The following CECR2 variants were observed in gnomAD, a reference collection of about 807,000 sequenced individuals.
CECR2 encodes chromatin remodeling regulator CECR2.
A neutral mutation model predicts 154.5 loss-of-function variants in CECR2; 30 were observed. The ratio of observed to expected loss-of-function variants is 0.19; its 90% CI spans 0.15 to 0.26. The LOEUF (loss-of-function observed/expected upper bound fraction) is 0.26. Ranked by LOEUF, CECR2 falls within the 10% of genes least tolerant of loss-of-function variation. CECR2 has a pLI of 1.00. For synonymous variants in CECR2, 725 were observed against 683.7 expected, an observed-to-expected ratio of 1.06 and a Z score of -0.94; for missense variants, 1,743 against 1,829.3, an observed-to-expected ratio of 0.95 and a Z score of 0.86.
intron 1 of CECR2, among the ~76,000 whole-genome samples, chr22:17,375,906 G>GA (rs1454438002): frequency 2.0e-5 from 3 of 151,272 alleles, no homozygotes; most frequent in Admixed American, 6.6e-5. Flanking sequence ...GGTGAGCTGA[G>GA]ATCGCGCCAT....
intron 6 of CECR2, among the ~76,000 whole-genome samples, chr22:17,504,392 G>A (rs2055796284): frequency 6.6e-6 from 1 of 151,616 alleles, no homozygotes; most frequent in Admixed American, 6.6e-5. Context: ...ATAAAATTAA[G>A]TAATAGGTCT....
intron 1 of CECR2, among the ~76,000 whole-genome samples, chr22:17,373,340 CA>C (rs1246719486): frequency 6.6e-6 from 1 of 151,940 alleles, no homozygotes; most frequent in Non-Finnish European, 1.5e-5. Context: ...AGAAACCTGC[CA>C]AGTATATAAT....
intron 1 of CECR2, among the ~76,000 whole-genome samples, chr22:17,395,805 T>C (rs2053800373): frequency 6.6e-6 from 1 of 152,164 alleles, no homozygotes; most frequent in Admixed American, 6.6e-5. Flanking sequence ...TTCATCATGG[T>C]TTTTATTTTG....
At chr22:17,458,242 C>T (rs530469003) in intron 1 of CECR2, among the ~76,000 whole-genome samples, 1 of 152,120 alleles carries the variant, frequency 6.6e-6, no homozygotes, top group South Asian at 2.1e-4. Context: ...TGGTGAAACC[C>T]CATCTCTACT....
At chr22:17,521,201 G>A (rs1422508713) in intron 8 of CECR2, among the ~76,000 whole-genome samples, 4 of 152,288 alleles carry the variant, frequency 2.6e-5, no homozygotes, top group Non-Finnish European at 5.9e-5. Flanking sequence ...GTGATGATGA[G>A]CATTTTTTCA....
chr22:17,419,541 G>T (rs2054211549), intron 1 of CECR2: 3 of 203,472 alleles, frequency 1.5e-5, no homozygotes, highest in South Asian at 9.0e-5. Context: ...GGAAGAGGAA[G>T]AGGAAGAGGA....
At position 17,554,672 on chromosome 22, in the gene CECR2, C is replaced by T. The variant is rs2056754097; in HGVS notation, c.*1832C>T. 1 of 152,136 alleles carries T rather than the reference C, an allele frequency of 6.6e-6. No individual in the cohort carries two copies. The highest frequency in any genetic ancestry group is 2.4e-5 in the African/African-American group (1 of 41,420). The allele number at this position is 152,136 out of a possible 1,614,324, so 9.4% of individuals were successfully genotyped here. The stretch of plus-strand genomic sequence containing the variant: ...ATGCACAAAAATACAGATTTTCTCT[C>T]AGAGAGGTTTTAATTTTAAATTTGA... On this transcript the variant is annotated 3_prime_UTR_variant, in exon 19 of 19. Coordinates refer to ENST00000262608, the MANE Select transcript of CECR2 (RefSeq NM_001290047.2).
chr22:17,425,615 A>G (rs1046845825), intron 1 of CECR2, among the ~76,000 whole-genome samples: 39 of 152,180 alleles, frequency 2.6e-4, no homozygotes, highest in African/African-American at 8.9e-4. Context: ...GCTTGAGTTA[A>G]ATGTTGAAGA....
upstream of CECR2, among the ~76,000 whole-genome samples, chr22:17,368,984 G>A (rs994580291): frequency 5.3e-5 from 8 of 152,124 alleles, no homozygotes; most frequent in Admixed American, 2.0e-4. Flanking sequence ...CAGGTGGAAA[G>A]CACTTCACTT....
rs764810477 is a variant in CECR2 at position 17,541,992 on chromosome 22, A to T, written c.2013+25A>T. The T allele has an allele frequency of 6.9e-6, 11 of 1,604,410 alleles. No individual in the cohort carries two copies. The South Asian group carries it at 1.2e-4, about 18-fold the overall frequency. On this transcript the variant is annotated intron_variant, in intron 15 of 18. Transcript: ENST00000262608. ...GGTAAGCAGCCTACTCTGGAGGTGC[A>T]GGTGCAGGGGGTCCCACAGGTACGT...
chr22:17,550,898 T>TG, intron 17 of CECR2, among the ~76,000 whole-genome samples: 1 of 151,954 alleles, frequency 6.6e-6, no homozygotes, highest in South Asian at 2.1e-4. Flanking sequence ...GCCAAGATCA[T>TG]GCCACTGCAC....
chr22:17,517,583 A>G (rs1303437831), intron 8 of CECR2, among the ~76,000 whole-genome samples: 9 of 152,206 alleles, frequency 5.9e-5, no homozygotes, highest in Non-Finnish European at 1.5e-5. Context: ...TGCTCTACAA[A>G]TTTAGCTTGG....
At chr22:17,449,646 C>A (rs532010621) in intron 1 of CECR2, among the ~76,000 whole-genome samples, 13 of 151,800 alleles carry the variant, frequency 8.6e-5, no homozygotes, top group Admixed American at 8.5e-4. Context: ...CCCGCCACCA[C>A]GCCCGGCTAA....
intron 1 of CECR2, among the ~76,000 whole-genome samples, chr22:17,412,221 A>G (rs1453628398): frequency 1.3e-5 from 2 of 152,220 alleles, no homozygotes. Context: ...TCTGTTTACT[A>G]TAACTAGAAA....
In CECR2 at chr22:17,511,827, G is replaced by A; in HGVS notation, c.885G>A (p.Gln295=). ...NMIAQKGKRP[Q]RTKAELHPRW... ...TCTAACTATAGGGAAAACGTCCACA[G>A]CGCACAAAGGCAGAGTTGCATCCTA... is the stretch of plus-strand genomic sequence containing the variant. The change falls in exon 8 of 19, where the codon CAG becomes CAA. Residue 295 remains glutamine (Q), a synonymous_variant. Coordinates refer to ENST00000262608, the MANE Select transcript of CECR2 (RefSeq NM_001290047.2). 1.9e-6 allele frequency: 3 copies of A among 1,612,452 alleles called. No individual in the cohort carries two copies. The highest frequency in any genetic ancestry group is 2.5e-6 in the Non-Finnish European group (3 of 1,179,070).
chr22:17,451,541 TTTC>T (rs1375437700), intron 1 of CECR2, among the ~76,000 whole-genome samples: 3 of 152,108 alleles, frequency 2.0e-5, no homozygotes, highest in African/African-American at 7.2e-5. Flanking sequence ...TAAGAGTTCT[TTTC>T]TTTTCTCAGT....
intron 1 of CECR2, among the ~76,000 whole-genome samples, chr22:17,394,127 T>G (rs143636814): frequency 0.013 from 1,927 of 150,410 alleles, 33 homozygotes; most frequent in African/African-American, 0.045. Context: ...CCTCAGGTGA[T>G]CCACCTGCCT....
At chr22:17,393,468 G>A (rs1193503059) in intron 1 of CECR2, among the ~76,000 whole-genome samples, 7 of 152,244 alleles carry the variant, frequency 4.6e-5, no homozygotes, top group Admixed American at 1.3e-4. Context: ...AAATAATGCT[G>A]CTCTAAACAT....
At chr22:17,423,518 A>G (rs1026505636) in intron 1 of CECR2, among the ~76,000 whole-genome samples, 23 of 151,416 alleles carry the variant, frequency 1.5e-4, no homozygotes, top group African/African-American at 2.4e-4. Context: ...AAAAAAAAAA[A>G]AAGAAGAAGA....
Sources: gnomAD v4.1 joint callset for allele counts (sites outside exome capture counted in the v4.1 genomes callset) on GRCh38, gnomAD v4.1.1 for gene constraint, MANE v1.5 for transcripts, NCBI Gene and HGNC (gene_info 2026-07-23, HGNC 2026-07-21) for gene names.